The following AFTPH variants were observed in gnomAD, a reference collection of about 807,000 sequenced individuals.
AFTPH encodes the protein aftiphilin protein.
Under a neutral mutation model 72.5 loss-of-function variants are expected in AFTPH, and 7 were observed. That is an observed-to-expected ratio of 0.10 (90% CI 0.05 to 0.18). The LOEUF (loss-of-function observed/expected upper bound fraction) is 0.18. Among genes scored for constraint, AFTPH ranks in the 10% least tolerant of loss-of-function variants. The pLI is 1.00. For missense variants in AFTPH, 979 were observed against 1,060.5 expected, an observed-to-expected ratio of 0.92 and a Z score of 1.07; for synonymous variants, 337 against 370.1, an observed-to-expected ratio of 0.91 and a Z score of 1.03.
chr2:64,567,744 T>A (rs1363033745), intron 3 of AFTPH, 31 bp downstream of exon 3: 1 of 1,584,366 alleles, frequency 6.3e-7, no homozygotes, highest in East Asian at 2.3e-5. Context: ...AGATAGCATG[T>A]GTTTTTGTTA....
At chr2:64,527,704 T>C (rs566176446) in intron 1 of AFTPH, among the ~76,000 whole-genome samples, 1 of 152,376 alleles carries the variant, frequency 6.6e-6, no homozygotes, top group African/African-American at 2.4e-5. Context: ...TATTTTGTGT[T>C]GACTTTCTTT....
intron 3 of AFTPH, among the ~76,000 whole-genome samples, 153 bp from the exon 4 acceptor site, chr2:64,568,939 A>G (rs976963018): frequency 2.0e-5 from 3 of 152,194 alleles, no homozygotes; most frequent in South Asian, 4.1e-4. Flanking sequence ...GACTATAAGT[A>G]TTGGCTCTTG....
At chr2:64,591,848 G>C in intron 8 of AFTPH, 40 bp from the exon 10 acceptor site, 1 of 1,605,228 alleles carries the variant, frequency 6.2e-7, no homozygotes, top group South Asian at 1.1e-5. Flanking sequence ...CTACAGCAAA[G>C]TCACATTAAC....
chr2:64,555,148 T>C (rs948640123), intron 2 of AFTPH, among the ~76,000 whole-genome samples: 6 of 152,194 alleles, frequency 3.9e-5, no homozygotes, highest in Non-Finnish European at 7.4e-5. Context: ...AAAGAACTTT[T>C]GTGAATATAA....
At chr2:64,572,186 C>T (rs1214738926) in intron 5 of AFTPH, among the ~76,000 whole-genome samples, 1 of 150,334 alleles carries the variant, frequency 6.7e-6, no homozygotes, top group East Asian at 1.9e-4. Flanking sequence ...CACCATTGCA[C>T]TCCATCCTGG....
intron 8 of AFTPH, among the ~76,000 whole-genome samples, 161 bp from the exon 10 acceptor site, chr2:64,591,727 G>C (rs1673836925): frequency 1.3e-5 from 2 of 152,138 alleles, no homozygotes; most frequent in South Asian, 4.1e-4. Flanking sequence ...GGCACAGGAA[G>C]CATACTGCAC....
chr2:64,560,604 G>A (rs1419274025), intron 2 of AFTPH, among the ~76,000 whole-genome samples: 1 of 152,200 alleles, frequency 6.6e-6, no homozygotes, highest in Non-Finnish European at 1.5e-5. Context: ...CGGGCATGGT[G>A]GCTCATGCCT....
rs1181129425 is a variant in AFTPH, at chr2:64,558,466, ATG to A, written c.1935+5060_1935+5061del. ...CTTCTAATATTAAACATTGAAATAA[ATG>A]TGAGCTATGCTCACATTTAAGAAAG... On this transcript the variant is annotated intron_variant, in intron 2 of 8. Transcript: ENST00000238856. Among the ~76,000 whole-genome samples the A allele has an allele frequency of 2.0e-5, 3 of 152,216 alleles. No individual in the cohort carries two copies. The East Asian group carries it at 5.8e-4, about 29-fold the overall frequency.
intron 1 of AFTPH, among the ~76,000 whole-genome samples, chr2:64,528,689 T>C (rs1023764019): frequency 6.6e-6 from 1 of 152,028 alleles, no homozygotes; most frequent in Non-Finnish European, 1.5e-5. Flanking sequence ...ATGCCTGGAA[T>C]AGTCAAGAAA....
intron 6 of AFTPH, among the ~76,000 whole-genome samples, chr2:64,577,256 T>A (rs1042280390): frequency 6.6e-6 from 1 of 152,238 alleles, no homozygotes. Flanking sequence ...TTAAAATGCT[T>A]CATTCTCAAG....
chr2:64,545,569 G>GGAAAAAA (rs1670533872), intron 1 of AFTPH, among the ~76,000 whole-genome samples: 1 of 30,698 alleles, frequency 3.3e-5, no homozygotes, highest in Non-Finnish European at 7.9e-5. Context: ...GCCACCAGCA[G>GGAAAAAA]TAAAAAAAAA....
At chr2:64,568,990 G>A in intron 3 of AFTPH, 102 bp from the exon 4 acceptor site, 1 of 1,276,156 alleles carries the variant, frequency 7.8e-7, no homozygotes, top group African/African-American at 1.5e-5. Flanking sequence ...GGACCCAAGA[G>A]TAAATGGAAT....
chr2:64,562,591 T>G (rs1041357707), intron 2 of AFTPH, among the ~76,000 whole-genome samples: 6 of 152,222 alleles, frequency 3.9e-5, no homozygotes, highest in African/African-American at 1.4e-4. Context: ...AACCTCTTTC[T>G]GCTCTGCTTT....
At chr2:64,530,897 A>G (rs1182751455) in intron 1 of AFTPH, among the ~76,000 whole-genome samples, 1 of 151,904 alleles carries the variant, frequency 6.6e-6, no homozygotes, top group African/African-American at 2.4e-5. Flanking sequence ...CCCCGTCTCT[A>G]CTAAAAATAC....
intron 2 of AFTPH, among the ~76,000 whole-genome samples, chr2:64,558,538 A>G (rs953085571): frequency 2.0e-5 from 3 of 152,246 alleles, no homozygotes; most frequent in African/African-American, 7.2e-5. Flanking sequence ...GTTTTTGGTG[A>G]ATCAGTGAGT....
intron 1 of AFTPH, among the ~76,000 whole-genome samples, chr2:64,548,583 A>G (rs1670821960): frequency 6.6e-6 from 1 of 152,126 alleles, no homozygotes; most frequent in South Asian, 2.1e-4. Flanking sequence ...TGCCTTCTGG[A>G]AGGCTTGTAA....
intron 7 of AFTPH, among the ~76,000 whole-genome samples, chr2:64,585,059 C>G (rs1558633472): frequency 6.6e-6 from 1 of 152,148 alleles, no homozygotes; most frequent in Non-Finnish European, 1.5e-5. Context: ...GGTGTCACAT[C>G]ATGTGCATTC....
intron 1 of AFTPH, among the ~76,000 whole-genome samples, chr2:64,546,235 A>G (rs1242486524): frequency 6.6e-6 from 1 of 152,106 alleles, no homozygotes; most frequent in Admixed American, 6.5e-5. Flanking sequence ...TCTGCGAACA[A>G]TAATGTTAAC....
At chr2:64,581,193 G>C (rs573195121) in intron 7 of AFTPH, 5 of 1,591,628 alleles carry the variant, frequency 3.1e-6, no homozygotes, top group Non-Finnish European at 4.3e-6. Context: ...TTTCAAGCTA[G>C]TGGAGGTTCC....
Sources: gnomAD v4.1 joint callset for allele counts (sites outside exome capture counted in the v4.1 genomes callset) on GRCh38, gnomAD v4.1.1 for gene constraint, MANE v1.5 for transcripts, NCBI Gene and HGNC (gene_info 2026-07-23, HGNC 2026-07-21) for gene names.